Variants in CAT observed in about 807,000 individuals in gnomAD.
CAT encodes the protein catalase, also known as epididymis secretory sperm binding protein.
A neutral mutation model predicts 59.0 loss-of-function variants in CAT; 43 were observed. That is an observed-to-expected ratio of 0.73 (90% CI 0.57 to 0.94). CAT has a LOEUF of 0.94. CAT is among the 40% of genes least tolerant of loss of function. The pLI is 0.00. For missense variants in CAT, 664 were observed against 682.9 expected, an observed-to-expected ratio of 0.97 and a Z score of 0.31; for synonymous variants, 218 against 230.9, an observed-to-expected ratio of 0.94 and a Z score of 0.51.
rs704724 is a variant in CAT at position 34,464,164 on chromosome 11, C to G, written c.1255C>G (p.Leu419Val). The G allele has an allele frequency of 7.4e-6, 12 of 1,613,864 alleles. No individual in the cohort carries two copies. Among genetic ancestry groups the G allele is most frequent in the Non-Finnish European group, 1.0e-5 (12 of 1,179,928 alleles). Residue 419 changes from leucine (L) to valine (V), a missense_variant, in exon 10 of 13, where the codon CTG becomes GTG. Coordinates refer to ENST00000241052, the MANE Select transcript of CAT (RefSeq NM_001752.4). ...FGAPEQQPSALEHSIQYSGEV... is the reference protein window; with the variant it reads ...FGAPEQQPSAVEHSIQYSGEV... ...TGCTCCGGAACAACAGCCTTCTGCC[C>G]TGGAGCACAGCATCCAATATTCTGG...
At chr11:34,452,283 A>G (rs111846672) in intron 4 of CAT, 76 bp downstream of exon 4, 43 of 1,408,532 alleles carry the variant, frequency 3.1e-5, no homozygotes, top group African/African-American at 2.7e-4. Flanking sequence ...GCATTTGAGG[A>G]GAAGCCGTGG....
At chr11:34,459,636 G>A (rs534155210) in intron 8 of CAT, among the ~76,000 whole-genome samples, 2 of 152,290 alleles carry the variant, frequency 1.3e-5, no homozygotes, top group Non-Finnish European at 2.9e-5. Flanking sequence ...CAGGGCCTTG[G>A]GGAAGGCCTA....
intron 8 of CAT, among the ~76,000 whole-genome samples, chr11:34,458,131 C>T (rs1054637511): frequency 6.6e-6 from 1 of 152,146 alleles, no homozygotes; most frequent in Non-Finnish European, 1.5e-5. Flanking sequence ...GTTTCATGAA[C>T]GAGGTAGCAT....
At chr11:34,449,944 C>A (rs978959502) in intron 2 of CAT, among the ~76,000 whole-genome samples, 1 of 152,196 alleles carries the variant, frequency 6.6e-6, no homozygotes, top group African/African-American at 2.4e-5. Context: ...CAGCCCTGGA[C>A]AGGATGCTGT....
At chr11:34,442,707 C>T (rs963718974) in intron 1 of CAT, among the ~76,000 whole-genome samples, 1 of 152,176 alleles carries the variant, frequency 6.6e-6, no homozygotes, top group African/African-American at 2.4e-5. Context: ...TTATTGAGGG[C>T]ACCAGGCTGA....
chr11:34,456,841 T>C (rs199789645), intron 8 of CAT, 24 bp downstream of exon 8: 2 of 1,613,652 alleles, frequency 1.2e-6, no homozygotes, highest in East Asian at 4.5e-5. Flanking sequence ...ATTGAGATGT[T>C]CTGAGGCAGG....
Position 34,457,346 on chromosome 11 carries a change from A to G in CAT, c.1056+529A>G, listed in dbSNP as rs1856603393. The stretch of plus-strand genomic sequence containing the variant: ...TCCTGCCTCAGCCTCTTGATTAGCT[A>G]CAGGCGCCCGCCACCATGCCCAGCT... On this transcript the variant is annotated intron_variant, in intron 8 of 12. Coordinates refer to ENST00000241052, the MANE Select transcript of CAT (RefSeq NM_001752.4). Among the ~76,000 whole-genome samples the G allele has an allele frequency of 2.0e-5, 3 of 150,204 alleles. No homozygotes were observed. In the Admixed American group the frequency reaches 2.0e-4, roughly 10 times the overall value.
Position 34,456,720 on chromosome 11 carries a change from G to A in CAT, c.959G>A (p.Arg320Gln), listed in dbSNP as rs139421991. The A allele has an allele frequency of 6.9e-5, 112 of 1,613,990 alleles. No homozygotes were observed. The African/African-American group carries it at 1.0e-3, about 15-fold the overall frequency. ...LIPVGKLVLN[R>Q]NPVNYFAEVE... is the part of the protein sequence containing the mutation. ...CCAGTTGGTAAACTGGTCTTAAACC[G>A]GAATCCAGTTAATTACTTTGCTGAG... The change falls in exon 8 of 13, where the codon CGG becomes CAG. Residue 320 changes from arginine (R) to glutamine (Q), a missense_variant. Arg to Gln is a conservative substitution (Grantham distance 43, BLOSUM62 1). Transcript: ENST00000241052.
intron 1 of CAT, 108 bp downstream of exon 1, chr11:34,439,187 G>T (rs899959891): frequency 9.7e-7 from 1 of 1,030,752 alleles, no homozygotes; most frequent in Non-Finnish European, 1.5e-6. Flanking sequence ...GGACTGTACC[G>T]CGGCTCACTG....
At chr11:34,461,136 G>A (rs1421686540) in intron 8 of CAT, 115 bp from the exon 9 acceptor site, 17 of 1,141,196 alleles carry the variant, frequency 1.5e-5, no homozygotes, top group Non-Finnish European at 2.3e-5. Flanking sequence ...GCAGAATTTT[G>A]TGGTAACCAT....
chr11:34,452,113 C>A lies in CAT; in HGVS notation c.386C>A (p.Pro129His). The change falls in exon 4 of 13, where the codon CCT becomes CAT. Residue 129 changes from proline to histidine, a missense_variant. Transcript: ENST00000241052. ...GGTTCAGCTGACACAGTTCGGGACC[C>A]TCGTGGGTTTGCAGTGAAATTTTAC... Reference protein sequence around the residue: ...ESGSADTVRDPRGFAVKFYTE... With the variant: ...ESGSADTVRDHRGFAVKFYTE... The A allele has an allele frequency of 6.2e-7, 1 of 1,613,820 alleles. No individual in the cohort carries two copies. Among genetic ancestry groups the A allele is most frequent in the South Asian group, 1.1e-5 (1 of 91,070 alleles).
At chr11:34,455,903 G>T (rs973726601) in intron 6 of CAT, 108 bp from the exon 7 acceptor site, 4 of 860,068 alleles carry the variant, frequency 4.7e-6, no homozygotes, top group Admixed American at 2.1e-5. Flanking sequence ...TGTAAAGAAA[G>T]TTCATTCTTT....
In CAT at chr11:34,453,075, C is replaced by G; in HGVS notation, c.481-15C>G. The G allele has an allele frequency of 6.4e-7, 1 of 1,555,920 alleles. No individual in the cohort carries two copies. Among genetic ancestry groups the G allele is most frequent in the Non-Finnish European group, 8.9e-7 (1 of 1,127,654 alleles). On this transcript the variant is annotated splice_polypyrimidine_tract_variant and intron_variant, in intron 4 of 12. Transcript: ENST00000241052. ...ACTTAGTTTTTGGATTTTTTTCTCT[C>G]TTTTTTCTATTTAGTTTCCATCTTT...
chr11:34,453,670 C>A (rs976585169), intron 5 of CAT, 131 bp from the exon 6 acceptor site: 12 of 793,056 alleles, frequency 1.5e-5, no homozygotes, highest in South Asian at 2.9e-5. Context: ...AATGGTAACC[C>A]TTCCCATGGG....
At position 34,464,110 on chromosome 11, in the gene CAT, G is replaced by T. The variant is rs780155754; in HGVS notation, c.1201G>T (p.Ala401Ser). 6.2e-7 allele frequency: 1 copy of T among 1,613,990 alleles called. No homozygotes were observed. Among genetic ancestry groups the T allele is most frequent in the Non-Finnish European group, 8.5e-7 (1 of 1,180,020 alleles). Residue 401 changes from alanine (A) to serine (S), a missense_variant, in exon 10 of 13, where the codon GCT becomes TCT. Transcript: ENST00000241052. The stretch of plus-strand genomic sequence containing the variant: ...TGGGTGGTTTTGTTTTGAAGGTGGT[G>T]CTCCAAATTACTACCCCAACAGCTT... ...PMCMQDNQGG[A>S]PNYYPNSFGA...
intron 1 of CAT, among the ~76,000 whole-genome samples, chr11:34,440,643 A>G (rs188532784): frequency 1.3e-5 from 2 of 151,380 alleles, no homozygotes; most frequent in Non-Finnish European, 2.9e-5. Flanking sequence ...ACTCACTGCA[A>G]ACTCCGCCTC....
chr11:34,453,904 T>C lies in CAT; in HGVS notation c.689T>C (p.Val230Ala). The change falls in exon 6 of 13, where the codon GTT becomes GCT. Residue 230 changes from valine to alanine, a missense_variant. Transcript: ENST00000241052. ...FKLVNANGEA[V>A]YCKFHYKTDQ... Reference sequence around the variant, plus strand: ...CTGGTTAATGCAAATGGGGAGGCAGTTTATTGCAAATTCCATTATAAGGTA... The same window carrying C: ...CTGGTTAATGCAAATGGGGAGGCAGCTTATTGCAAATTCCATTATAAGGTA... 6.2e-7 allele frequency: 1 copy of C among 1,614,008 alleles called. No individual in the cohort carries two copies. Among genetic ancestry groups the C allele is most frequent in the South Asian group, 1.1e-5 (1 of 91,088 alleles).
At chr11:34,450,488 T>C (rs1346930028) in intron 2 of CAT, among the ~76,000 whole-genome samples, 1 of 152,222 alleles carries the variant, frequency 6.6e-6, no homozygotes, top group Non-Finnish European at 1.5e-5. Flanking sequence ...AGTTAGGACT[T>C]CTGCATTTCT....
intron 1 of CAT, among the ~76,000 whole-genome samples, chr11:34,443,238 CCT>C (rs1302687941): frequency 6.6e-6 from 1 of 152,198 alleles, no homozygotes; most frequent in Non-Finnish European, 1.5e-5. Flanking sequence ...TCTGTTGCCT[CCT>C]CTCTCAAGAA....
Sources: gnomAD v4.1 joint callset for allele counts (sites outside exome capture counted in the v4.1 genomes callset) on GRCh38, gnomAD v4.1.1 for gene constraint, MANE v1.5 for transcripts, NCBI Gene and HGNC (gene_info 2026-07-23, HGNC 2026-07-21) for gene names.